TP63: variants seen among roughly 807,000 people sequenced by gnomAD.
TP63 encodes the protein tumor protein p63, also known as tumor protein 63.
Under a neutral mutation model 82.8 loss-of-function variants are expected in TP63, and 17 were observed. The observed-to-expected ratio is 0.21, with a 90% CI of 0.14 to 0.31. The LOEUF (loss-of-function observed/expected upper bound fraction) is 0.31, where lower values mean the gene tolerates loss of function less well. Ranked by LOEUF, TP63 falls within the 10% of genes least tolerant of loss-of-function variation. The probability of loss-of-function intolerance (pLI) is 1.00; values close to 1 mark genes in which losing one functional copy is unlikely to be tolerated. For synonymous variants in TP63, 330 were observed against 321.7 expected, an observed-to-expected ratio of 1.03 and a Z score of -0.28; for missense variants, 648 against 895.3, an observed-to-expected ratio of 0.72 and a Z score of 3.52.
At chr3:189,728,525 G>T (rs1212397224) in intron 1 of TP63, among the ~76,000 whole-genome samples, 2 of 152,176 alleles carry the variant, frequency 1.3e-5, no homozygotes, top group African/African-American at 2.4e-5. Context: ...TATGTAAAAG[G>T]TCAATCTGTA....
At chr3:189,627,137 T>C (rs1729336990), upstream of TP63, among the ~76,000 whole-genome samples, 1 of 152,132 alleles carries the variant, frequency 6.6e-6, no homozygotes, top group African/African-American at 2.4e-5. Flanking sequence ...TTACACAACA[T>C]TTGCTCTCTC....
intron 1 of TP63, among the ~76,000 whole-genome samples, chr3:189,641,452 T>C (rs1007650860): frequency 6.6e-6 from 1 of 152,134 alleles, no homozygotes; most frequent in Non-Finnish European, 1.5e-5. Flanking sequence ...ATGAAGTGTT[T>C]CTAATAATCA....
At chr3:189,664,751 T>C (rs574939819) in intron 1 of TP63, among the ~76,000 whole-genome samples, 27 of 152,318 alleles carry the variant, frequency 1.8e-4, no homozygotes, top group Non-Finnish European at 1.3e-4. Flanking sequence ...CATAATAAAG[T>C]TCCATCTACT....
At chr3:189,868,544 A>C in intron 7 of TP63, 36 bp from the exon 8 acceptor site, 1 of 1,612,796 alleles carries the variant, frequency 6.2e-7, no homozygotes, top group South Asian at 1.1e-5. Flanking sequence ...AATGCTTTGA[A>C]TTTAACTCTT....
chr3:189,605,650 AT>A, the TP63 span, among the ~76,000 whole-genome samples: 1 of 152,226 alleles, frequency 6.6e-6, no homozygotes, highest in Admixed American at 6.5e-5. Context: ...GAGACCCTCG[AT>A]GTTTCTATTT....
At chr3:189,716,157 A>C (rs1718943284) in intron 1 of TP63, among the ~76,000 whole-genome samples, 1 of 152,186 alleles carries the variant, frequency 6.6e-6, no homozygotes, top group African/African-American at 2.4e-5. Flanking sequence ...CACATTTCTA[A>C]AAGTCATGTT....
chr3:189,738,736 A>T lies in TP63; in HGVS notation c.286A>T (p.Ile96Phe), dbSNP rs372543100. ...TNKIEISMDC[I>F]RMQDSDLSDP... The stretch of plus-strand genomic sequence containing the variant: ...CAAGATTGAGATTAGCATGGACTGT[A>T]TCCGCATGCAGGACTCGGACCTGAG... Residue 96 changes from isoleucine (I) to phenylalanine (F), a missense_variant, in exon 3 of 14, where the codon ATC becomes TTC. Physicochemically the swap from Ile to Phe is conservative, Grantham distance 21. Around this residue, in one of 5 missense-constraint regions of TP63, gnomAD observed 182 missense variants for 213.6 expected, o/e 0.85. Coordinates refer to ENST00000264731, the MANE Select transcript of TP63 (RefSeq NM_003722.5). 3.7e-6 allele frequency: 6 copies of T among 1,614,022 alleles called. No homozygotes were observed.
chr3:189,819,637 A>C (rs1255378968), intron 4 of TP63, among the ~76,000 whole-genome samples: 1 of 152,182 alleles, frequency 6.6e-6, no homozygotes, highest in African/African-American at 2.4e-5. Flanking sequence ...GCTTAAGTCA[A>C]GTCTTTTACA....
chr3:189,648,169 A>G (rs1488774203), intron 1 of TP63, among the ~76,000 whole-genome samples: 2 of 147,078 alleles, frequency 1.4e-5, no homozygotes, highest in Non-Finnish European at 3.0e-5. Flanking sequence ...AAGAGGAGGA[A>G]AGTCTTTAAA....
intron 4 of TP63, among the ~76,000 whole-genome samples, chr3:189,810,858 C>CTAAA (rs1727474263): frequency 2.3e-5 from 1 of 44,276 alleles, no homozygotes; most frequent in Non-Finnish European, 6.7e-5. Flanking sequence ...GAGTCCGTCT[C>CTAAA]CAAAAAAAAA....
intron 1 of TP63, among the ~76,000 whole-genome samples, chr3:189,665,723 G>T (rs912998175): frequency 6.6e-6 from 1 of 152,040 alleles, no homozygotes; most frequent in Admixed American, 6.6e-5. Flanking sequence ...ATTATATGCA[G>T]CAGAAAGTAA....
intron 1 of TP63, among the ~76,000 whole-genome samples, chr3:189,730,248 A>G (rs1269790736): frequency 6.6e-6 from 1 of 152,070 alleles, no homozygotes; most frequent in Non-Finnish European, 1.5e-5. Context: ...CTTTTCTTAT[A>G]TTACCTTTGA....
At chr3:189,827,593 A>G (rs186029708) in intron 4 of TP63, among the ~76,000 whole-genome samples, 1 of 152,354 alleles carries the variant, frequency 6.6e-6, no homozygotes, top group East Asian at 1.9e-4. Context: ...GAAAAATAAG[A>G]ATAGATATTC....
intron 10 of TP63, among the ~76,000 whole-genome samples, chr3:189,875,611 T>TATATATATATAAACAC (rs71175313): frequency 1.3e-5 from 1 of 77,040 alleles, no homozygotes; most frequent in Non-Finnish European, 2.8e-5. Flanking sequence ...TATATATATA[T>TATATATATATAAACAC]ATATATATAT....
intron 3 of TP63, among the ~76,000 whole-genome samples, chr3:189,787,575 C>T (rs1724712707): frequency 6.6e-6 from 1 of 152,034 alleles, no homozygotes; most frequent in African/African-American, 2.4e-5. Context: ...TGAGGTGGCA[C>T]ATGGAAGGAA....
chr3:189,700,045 C>G (rs1393896808), intron 1 of TP63, among the ~76,000 whole-genome samples: 2 of 152,108 alleles, frequency 1.3e-5, no homozygotes, highest in East Asian at 3.8e-4. Context: ...GGGTAAATCC[C>G]CTTGTGCCTT....
At chr3:189,864,540 CCTTT>C in intron 5 of TP63, 122 bp downstream of exon 5, 8 of 443,276 alleles carry the variant, frequency 1.8e-5, no homozygotes, top group Admixed American at 4.9e-5. Context: ...GATCAGTCTG[CCTTT>C]TTTTTTTTTT....
chr3:189,810,741 A>G (rs927543411), intron 4 of TP63, among the ~76,000 whole-genome samples: 13 of 151,776 alleles, frequency 8.6e-5, no homozygotes, highest in African/African-American at 3.1e-4. Context: ...CTGTAGTCTC[A>G]GCTACTGGGG....
chr3:189,875,593 C>CATATATATATATATATATATATAT (rs774764336), intron 10 of TP63, among the ~76,000 whole-genome samples: 2 of 40,776 alleles, frequency 4.9e-5, no homozygotes, highest in African/African-American at 8.6e-5. Context: ...AAAATACATA[C>CATATATATATATATATATATATAT]ATATATATAT....
Sources: allele counts gnomAD v4.1 joint callset (sites outside exome capture counted in the v4.1 genomes callset), GRCh38; gene constraint gnomAD v4.1.1; regional missense constraint gnomAD v4.1.1; transcripts MANE v1.5; gene names NCBI Gene and HGNC (gene_info 2026-07-23, HGNC 2026-07-21).